The following NELFCD variants were observed in gnomAD, a reference collection of about 807,000 sequenced individuals.
The protein encoded by NELFCD is negative elongation factor complex member C/D.
Under a neutral mutation model 72.9 loss-of-function variants are expected in NELFCD, and 48 were observed. The observed-to-expected ratio is 0.66, with a 90% CI of 0.52 to 0.84. NELFCD has a LOEUF of 0.84. Ranked by LOEUF, NELFCD falls within the 40% of genes least tolerant of loss-of-function variation. The pLI is 0.00. For synonymous variants in NELFCD, 297 were observed against 280.6 expected, an observed-to-expected ratio of 1.06 and a Z score of -0.59; for missense variants, 538 against 723.8, an observed-to-expected ratio of 0.74 and a Z score of 2.94.
chr20:58,987,218 GC>G (rs1196261755), intron 3 of NELFCD: 3 of 272,836 alleles, frequency 1.1e-5, no homozygotes, highest in Non-Finnish European at 2.1e-5. Context: ...TTTAGGACTG[GC>G]TGTGATTATG....
chr20:58,988,716 T>C (rs2091790506), intron 4 of NELFCD, among the ~76,000 whole-genome samples, 198 bp from the exon 5 acceptor site: 1 of 152,166 alleles, frequency 6.6e-6, no homozygotes, highest in South Asian at 2.1e-4. Flanking sequence ...TTCTAAAAGC[T>C]GAGCGGGCAT....
In NELFCD at chr20:58,986,791, C is replaced by T; in HGVS notation, c.214C>T (p.Gln72Ter). ...QAGGSPENVI[Q>*]LLSENYTAVA... The stretch of plus-strand genomic sequence containing the variant: ...AGGAGGGTCTCCAGAGAATGTTATC[C>T]AGCTCTTATCTGAAAACTACACCGC... Residue 72 changes from glutamine (Q) to a stop codon, truncating the protein, a stop_gained, in exon 3 of 15, where the codon CAG becomes TAG. Transcript: ENST00000652272. LOFTEE classifies it high-confidence loss of function. The surrounding 1 kb of genome is among the most constrained non-coding windows in gnomAD (Gnocchi z 4.4). The T allele has an allele frequency of 6.2e-7, 1 of 1,614,016 alleles. No individual in the cohort carries two copies. Among genetic ancestry groups the T allele is most frequent in the Non-Finnish European group, 8.5e-7 (1 of 1,179,920 alleles).
chr20:58,984,319 G>A (rs1028221235), intron 1 of NELFCD, among the ~76,000 whole-genome samples: 2 of 152,294 alleles, frequency 1.3e-5, no homozygotes, highest in Non-Finnish European at 1.5e-5. Flanking sequence ...GGAGAGAGAC[G>A]TCAGTTTTGT....
At position 58,986,057 on chromosome 20, in the gene NELFCD, GA is replaced by G. The variant is rs925488701; in HGVS notation, c.61-29del. 3 of 1,429,600 alleles carry G rather than the reference GA, an allele frequency of 2.1e-6. No individual in the cohort carries two copies. Among genetic ancestry groups the G allele is most frequent in the African/African-American group, 2.8e-5 (2 of 71,406 alleles). The allele number at this position is 1,429,600 out of a possible 1,614,324, so 88.6% of individuals were successfully genotyped here. A position where few individuals can be genotyped will look rare whatever the true frequency, so the allele number is the denominator to read the frequency against. ...GTGAGATTAGGGTATTTGTATTAAT[GA>G]AAAAAATATCCTGGCTCTTCGCATT... On this transcript the variant is annotated intron_variant, in intron 1 of 14. Transcript: ENST00000652272. The surrounding 1 kb of genome is among the most constrained non-coding windows in gnomAD (Gnocchi z 4.4).
In NELFCD at chr20:58,989,603, GAGA is replaced by G; in HGVS notation, c.625_627del (p.Glu209del). ...TCTCTAGCTACAATTTTAGATGGAGGAGAAGAAAACCTTGAAAAAAATCTCCCT... is the reference window on the plus strand; with the variant it reads ...TCTCTAGCTACAATTTTAGATGGAGGAGAAAACCTTGAAAAAAATCTCCCT... On this transcript the variant is annotated inframe_deletion, in exon 6 of 15. Coordinates refer to ENST00000652272, the MANE Select transcript of NELFCD (RefSeq NM_198976.4). 1.2e-6 allele frequency: 2 copies of G among 1,614,204 alleles called. No individual in the cohort carries two copies. The highest frequency in any genetic ancestry group is 1.1e-5 in the South Asian group (1 of 91,086).
At chr20:58,989,385 A>G in intron 5 of NELFCD, 103 bp from the exon 6 acceptor site, 7 of 1,374,636 alleles carry the variant, frequency 5.1e-6, no homozygotes, top group Non-Finnish European at 7.1e-6. Flanking sequence ...ACCCACGACC[A>G]GCGCACACTT....
At chr20:58,987,419 C>T (rs980528924) in intron 3 of NELFCD, 1 of 395,412 alleles carries the variant, frequency 2.5e-6, no homozygotes, top group Non-Finnish European at 4.5e-6. Flanking sequence ...TTTCCATCCC[C>T]CTACCTGTTG....
At position 58,993,525 on chromosome 20, in the gene NELFCD, A is replaced by C; in HGVS notation, c.1421A>C (p.Gln474Pro). The C allele has an allele frequency of 6.2e-7, 1 of 1,614,212 alleles. No homozygotes were observed. Among genetic ancestry groups the C allele is most frequent in the South Asian group, 1.1e-5 (1 of 91,084 alleles). ...LVKLFETEHS[Q>P]LDVMEQLELK... is the part of the protein sequence containing the mutation. ...AAGCTTTTTGAGACTGAGCACTCCC[A>C]GCTGGACGTGATGGAGCAGGTGAGC... is the stretch of plus-strand genomic sequence containing the variant. The change falls in exon 12 of 15, where the codon CAG becomes CCG. Residue 474 changes from glutamine to proline, a missense_variant. Transcript: ENST00000652272. This position sits in a 1 kb window ranked among gnomAD's most constrained non-coding sequence, Gnocchi z 5.0.
In NELFCD at chr20:58,988,940, T is replaced by A. The variant is rs2091792693; in HGVS notation, c.423T>A (p.Ile141=). 6.2e-7 allele frequency: 1 copy of A among 1,614,066 alleles called. No individual in the cohort carries two copies. The highest frequency in any genetic ancestry group is 1.3e-5 in the African/African-American group (1 of 74,950). ...CCCCAGCGTGGCTGGAACAGATGATTGCACATACCACGTGGCGGGACCTTT... is the reference window on the plus strand; with the variant it reads ...CCCCAGCGTGGCTGGAACAGATGATAGCACATACCACGTGGCGGGACCTTT... ...GETPAWLEQM[I]AHTTWRDLFY... Residue 141 remains isoleucine, a synonymous_variant, in exon 5 of 15, where the codon ATT becomes ATA. Coordinates refer to ENST00000652272, the MANE Select transcript of NELFCD (RefSeq NM_198976.4).
At chr20:58,992,113 G>A in intron 10 of NELFCD, 93 bp downstream of exon 10, 2 of 1,289,660 alleles carry the variant, frequency 1.6e-6, no homozygotes, top group Non-Finnish European at 2.1e-6. Context: ...AAAAGCTTCA[G>A]CGATACTTGT....
At chr20:58,992,779 C>T (rs368019859) in intron 10 of NELFCD, among the ~76,000 whole-genome samples, 184 of 144,060 alleles carry the variant, frequency 1.3e-3, no homozygotes, top group African/African-American at 4.2e-3. Context: ...CCCAGGTACT[C>T]GGGAGGCTGC....
intron 1 of NELFCD, among the ~76,000 whole-genome samples, chr20:58,985,163 T>C (rs570181948): frequency 2.1e-4 from 32 of 152,346 alleles, no homozygotes; most frequent in Non-Finnish European, 3.8e-4. Context: ...ATGGGTGTGC[T>C]GTGTTCCGTA....
At chr20:58,983,812 C>T (rs147633676) in intron 1 of NELFCD, among the ~76,000 whole-genome samples, 53 of 152,186 alleles carry the variant, frequency 3.5e-4, no homozygotes, top group African/African-American at 1.2e-3. Context: ...AGACCAAGCA[C>T]GTGAGTTATT....
Position 58,981,336 on chromosome 20 carries a change from G to A in NELFCD, c.27G>A (p.Ala9=). The A allele has an allele frequency of 9.0e-7, 1 of 1,108,656 alleles. No individual in the cohort carries two copies. Among genetic ancestry groups the A allele is most frequent in the Non-Finnish European group, 1.1e-6 (1 of 905,262 alleles). 68.7% of individuals were successfully genotyped at this position (1,108,656 alleles called of 1,614,324 possible). The stretch of plus-strand genomic sequence containing the variant: ...TGGACGAGGACTACTACGGGAGCGC[G>A]GCCGAGTGGGGCGACGAGGCTGACG... MDEDYYGS[A]AEWGDEADGG... is the part of the protein sequence containing the mutation. Residue 9 remains alanine (A), a synonymous_variant, in exon 1 of 15, where the codon GCG becomes GCA. Transcript: ENST00000652272.
intron 1 of NELFCD, among the ~76,000 whole-genome samples, chr20:58,984,792 T>C (rs911758523): frequency 3.3e-5 from 5 of 152,142 alleles, no homozygotes; most frequent in African/African-American, 1.2e-4. Context: ...AGCAGGTAGA[T>C]AGCATGACCC....
In NELFCD at chr20:58,993,112, G is replaced by A; in HGVS notation, c.1344G>A (p.Glu448=). The change falls in exon 11 of 15, where the codon GAG becomes GAA. Residue 448 remains glutamate (E), a splice_region_variant and synonymous_variant. Transcript: ENST00000652272. This position sits in a 1 kb window ranked among gnomAD's most constrained non-coding sequence, Gnocchi z 5.0. ...CTGTCCACCTGGCGTTGCTGGATGA[G>A]GTAAGAGGGCGGAGAGCTGTTCACA... ...HTPVHLALLD[E]ISTCHQLLHP... The A allele has an allele frequency of 1.2e-6, 2 of 1,610,866 alleles. No homozygotes were observed. The highest frequency in any genetic ancestry group is 2.2e-5 in the South Asian group (2 of 91,012).
Position 58,993,277 on chromosome 20 carries a change from C to G in NELFCD, c.1344+165C>G, listed in dbSNP as rs1271877687. 4.9e-6 allele frequency: 4 copies of G among 816,068 alleles called. No individual in the cohort carries two copies. The highest frequency in any genetic ancestry group is 7.8e-6 in the Non-Finnish European group (4 of 513,340). The allele number at this position is 816,068 out of a possible 1,614,324, so 50.6% of individuals were successfully genotyped here. On this transcript the variant is annotated intron_variant, in intron 11 of 14. Transcript: ENST00000652272. This position sits in a 1 kb window ranked among gnomAD's most constrained non-coding sequence, Gnocchi z 5.0. ...CTTAAGGACCTAGCTTCATTGACTG[C>G]AGAAATTTCTTAACCTCAGTCAAGT...
Position 58,993,037 on chromosome 20 carries a change from T to A in NELFCD, c.1269T>A (p.Asp423Glu). Reference protein sequence around the residue: ...VVAMGVLKWVDWTVSEPRYFQ... With the variant: ...VVAMGVLKWVEWTVSEPRYFQ... ...CAATGGGTGTGCTGAAGTGGGTGGATTGGACTGTATCAGAACCAAGGTACT... is the reference window on the plus strand; with the variant it reads ...CAATGGGTGTGCTGAAGTGGGTGGAATGGACTGTATCAGAACCAAGGTACT... Residue 423 changes from aspartate to glutamate, a missense_variant, in exon 11 of 15, where the codon GAT becomes GAA. Asp to Glu is a conservative substitution (Grantham distance 45, BLOSUM62 2). This residue lies in a region of NELFCD where 355 missense variants were observed against 534.5 expected (regional missense o/e 0.66). Transcript: ENST00000652272. This position sits in a 1 kb window ranked among gnomAD's most constrained non-coding sequence, Gnocchi z 5.0. 6.2e-7 allele frequency: 1 copy of A among 1,614,100 alleles called. No individual in the cohort carries two copies. Among genetic ancestry groups the A allele is most frequent in the East Asian group, 2.2e-5 (1 of 44,888 alleles).
intron 13 of NELFCD, 67 bp from the exon 14 acceptor site, chr20:58,994,043 C>T (rs527772636): frequency 1.3e-6 from 2 of 1,577,584 alleles, no homozygotes; most frequent in Non-Finnish European, 1.7e-6. Flanking sequence ...ATGGCCATTT[C>T]ACCCGGATGT....
Sources: gnomAD v4.1 joint callset for allele counts (sites outside exome capture counted in the v4.1 genomes callset) on GRCh38, gnomAD v4.1.1 for gene constraint, gnomAD v4.1.1 regional missense constraint, Gnocchi (gnomAD v3.1) non-coding constraint, MANE v1.5 for transcripts, NCBI Gene and HGNC (gene_info 2026-07-23, HGNC 2026-07-21) for gene names.